Variants in STX19 observed in about 807,000 individuals in gnomAD.
STX19 encodes the protein syntaxin 19.
In STX19, 26 loss-of-function variants were observed where a neutral mutation model predicts 24.3. That is an observed-to-expected ratio of 1.07 (90% CI 0.78 to 1.48). The LOEUF is 1.48. Ranked by LOEUF, STX19 falls within the 40% of genes most tolerant of loss-of-function variation. The probability of loss-of-function intolerance (pLI) is 0.00; values close to 1 mark genes in which losing one functional copy is unlikely to be tolerated. For missense variants in STX19, 367 were observed against 331.9 expected, an observed-to-expected ratio of 1.11 and a Z score of -0.82; for synonymous variants, 116 against 106.9, an observed-to-expected ratio of 1.09 and a Z score of -0.52.
At chr3:94,023,170 A>C (rs1418548522) in intron 1 of STX19, among the ~76,000 whole-genome samples, 1 of 152,034 alleles carries the variant, frequency 6.6e-6, no homozygotes, top group African/African-American at 2.4e-5. Context: ...TACTGAAAAT[A>C]TTTTTATTCT....
intron 1 of STX19, among the ~76,000 whole-genome samples, chr3:94,018,990 T>A (rs2076392217): frequency 6.6e-6 from 1 of 152,146 alleles, no homozygotes; most frequent in African/African-American, 2.4e-5. Flanking sequence ...GGTCGCAAAC[T>A]CCTGATCTCA....
rs113356170 is a variant in STX19 at position 94,022,146 on chromosome 3, A to C, written c.-14+6221T>G. On this transcript the variant is annotated intron_variant, in intron 1 of 1. Transcript: ENST00000315099. ...TATTTTATTTTATTTTTTTTGAGAC[A>C]GAGTTTCGCTGTTGTCACCCAGGCT... Among the ~76,000 whole-genome samples, 141 of 152,002 alleles carry C rather than the reference A, an allele frequency of 9.3e-4. No homozygotes were observed. The Middle Eastern group carries it at 0.014, about 15-fold the overall frequency.
At position 94,015,066 on chromosome 3, in the gene STX19, A is replaced by G. The variant is rs763723684; in HGVS notation, c.204T>C (p.Val68=). The G allele has an allele frequency of 1.2e-6, 2 of 1,613,822 alleles. No homozygotes were observed. Among genetic ancestry groups the G allele is most frequent in the Admixed American group, 1.7e-5 (1 of 59,984 alleles). Residue 68 remains valine, a synonymous_variant, in exon 2 of 2, where the codon GTT becomes GTC. Coordinates refer to ENST00000315099, the MANE Select transcript of STX19 (RefSeq NM_001001850.3). The stretch of plus-strand genomic sequence containing the variant: ...TTTTCTGTTGCTGCCCAAATTTTTG[A>G]ACATTATCTGCCAAATTGTTAATAC... ...QESINNLADN[V]QKFGQQQKSL...
Position 94,014,553 on chromosome 3 carries a change from TAA to T in STX19, c.715_716del (p.Leu239SerfsTer12), listed in dbSNP as rs768872191. The T allele has an allele frequency of 1.8e-5, 29 of 1,612,694 alleles. No homozygotes were observed. The highest frequency in any genetic ancestry group is 2.2e-5 in the Non-Finnish European group (26 of 1,179,684). On this transcript the variant is annotated frameshift_variant, in exon 2 of 2. Transcript: ENST00000315099. LOFTEE classifies it high-confidence loss of function. The part of the protein sequence containing the change: ...LRDLFIQISL[L>X]VEEQGESINN... ...TGATGCTCTCTCCTTGTTCCTCTACTAAAAGAGATATCTGAATGAAAAGATCC... is the reference window on the plus strand; with the variant it reads ...TGATGCTCTCTCCTTGTTCCTCTACTAAGAGATATCTGAATGAAAAGATCC...
chr3:94,026,656 A>G (rs867535760), intron 1 of STX19, among the ~76,000 whole-genome samples: 2 of 152,184 alleles, frequency 1.3e-5, no homozygotes, highest in Non-Finnish European at 1.5e-5. Context: ...TGAAGCTCAT[A>G]GTTGTGAAAT....
intron 1 of STX19, among the ~76,000 whole-genome samples, chr3:94,025,627 C>T (rs2076540931): frequency 6.6e-6 from 1 of 152,130 alleles, no homozygotes; most frequent in Admixed American, 6.5e-5. Context: ...TACAAGAATG[C>T]TCTGAGTGTC....
chr3:94,026,568 A>C (rs1404157218), intron 1 of STX19, among the ~76,000 whole-genome samples: 1 of 152,194 alleles, frequency 6.6e-6, no homozygotes, highest in Non-Finnish European at 1.5e-5. Flanking sequence ...CATGAATTAG[A>C]ATGTTAGGCA....
intron 1 of STX19, among the ~76,000 whole-genome samples, chr3:94,021,256 T>C (rs1286791854): frequency 6.6e-6 from 1 of 151,462 alleles, no homozygotes; most frequent in Non-Finnish European, 1.5e-5. Flanking sequence ...TGCAGTGTCA[T>C]GATCTCAGCT....
intron 1 of STX19, among the ~76,000 whole-genome samples, chr3:94,017,702 A>T (rs2076361148): frequency 6.6e-6 from 1 of 152,210 alleles, no homozygotes; most frequent in South Asian, 2.1e-4. Context: ...TTGATACAAT[A>T]ATCAGGCAGG....
chr3:94,021,923 G>T (rs2076456494), intron 1 of STX19, among the ~76,000 whole-genome samples: 1 of 151,790 alleles, frequency 6.6e-6, no homozygotes. Context: ...ATGTACACAG[G>T]TTAACAAGTC....
At chr3:94,018,358 A>G (rs576540274) in intron 1 of STX19, among the ~76,000 whole-genome samples, 29 of 152,304 alleles carry the variant, frequency 1.9e-4, no homozygotes, top group African/African-American at 6.7e-4. Flanking sequence ...GGACTTGATG[A>G]TTTTAACCCA....
chr3:94,023,827 GA>G (rs1221614213), intron 1 of STX19, among the ~76,000 whole-genome samples: 1 of 151,936 alleles, frequency 6.6e-6, no homozygotes, highest in Non-Finnish European at 1.5e-5. Flanking sequence ...CTATTTAAAA[GA>G]AAAAATTTAG....
At chr3:94,018,145 G>C (rs914728242) in intron 1 of STX19, among the ~76,000 whole-genome samples, 2 of 151,810 alleles carry the variant, frequency 1.3e-5, no homozygotes, top group African/African-American at 4.8e-5. Flanking sequence ...CCATCTGTTC[G>C]CCTTGTCCTC....
chr3:94,019,763 C>T (rs1468291314), intron 1 of STX19, among the ~76,000 whole-genome samples: 1 of 152,210 alleles, frequency 6.6e-6, no homozygotes, highest in Admixed American at 6.5e-5. Flanking sequence ...GACCTCACCT[C>T]CTACAACTCT....
intron 1 of STX19, among the ~76,000 whole-genome samples, chr3:94,026,114 G>A (rs1324393245): frequency 6.6e-6 from 1 of 151,724 alleles, no homozygotes; most frequent in Non-Finnish European, 1.5e-5. Context: ...CCGCCTTCCG[G>A]GTTCACGCCA....
intron 1 of STX19, among the ~76,000 whole-genome samples, chr3:94,018,145 G>A (rs914728242): frequency 1.3e-5 from 2 of 151,810 alleles, no homozygotes; most frequent in African/African-American, 2.4e-5. Context: ...CCATCTGTTC[G>A]CCTTGTCCTC....
At chr3:94,025,032 A>G (rs2076527071) in intron 1 of STX19, among the ~76,000 whole-genome samples, 1 of 152,186 alleles carries the variant, frequency 6.6e-6, no homozygotes, top group African/African-American at 2.4e-5. Flanking sequence ...TTTTCCTGTG[A>G]AGTGCCTTTG....
Position 94,014,479 on chromosome 3 carries a change from G to A in STX19, c.791C>T (p.Thr264Ile). Residue 264 changes from threonine to isoleucine, a missense_variant, in exon 2 of 2, where the codon ACT becomes ATT. By Grantham distance (89) the Thr-to-Ile change is moderately conservative (BLOSUM62 -1). Transcript: ENST00000315099. ...VNSTKEYVNN[T>I]KEKFGLAVKY... is the part of the protein sequence containing the mutation. Reference sequence around the variant, plus strand: ...TACAGCTAGTCCAAATTTCTCTTTAGTATTGTTAACATACTCTTTTGTACT... The same window carrying A: ...TACAGCTAGTCCAAATTTCTCTTTAATATTGTTAACATACTCTTTTGTACT... 1 of 1,608,504 alleles carries A rather than the reference G, an allele frequency of 6.2e-7. No homozygotes were observed. The highest frequency in any genetic ancestry group is 8.5e-7 in the Non-Finnish European group (1 of 1,178,464).
Position 94,014,718 on chromosome 3 carries a change from A to G in STX19, c.552T>C (p.Asp184=), listed in dbSNP as rs1401876133. The G allele has an allele frequency of 6.2e-7, 1 of 1,612,402 alleles. No individual in the cohort carries two copies. Among genetic ancestry groups the G allele is most frequent in the Admixed American group, 1.7e-5 (1 of 59,748 alleles). ...GKEMSEEDVN[D]MLHQGKWEVF... The stretch of plus-strand genomic sequence containing the variant: ...CTTCCCATTTTCCTTGATGAAGCAT[A>G]TCATTTACATCTTCTTCAGACATCT... Residue 184 remains aspartate, a synonymous_variant, in exon 2 of 2, where the codon GAT becomes GAC. Coordinates refer to ENST00000315099, the MANE Select transcript of STX19 (RefSeq NM_001001850.3).
Sources: gnomAD v4.1 joint callset for allele counts (sites outside exome capture counted in the v4.1 genomes callset) on GRCh38, gnomAD v4.1.1 for gene constraint, MANE v1.5 for transcripts, NCBI Gene and HGNC (gene_info 2026-07-23, HGNC 2026-07-21) for gene names.